Variants in ENKUR observed in about 807,000 individuals in gnomAD.
The protein encoded by ENKUR is enkurin.
Under a neutral mutation model 27.6 loss-of-function variants are expected in ENKUR, and 19 were observed. That is an observed-to-expected ratio of 0.69 (90% confidence interval 0.48 to 1.01). ENKUR has a LOEUF of 1.01. Ranked by LOEUF, ENKUR falls within the 50% of genes least tolerant of loss-of-function variation. The pLI, the probability that ENKUR is intolerant of heterozygous loss-of-function variation, is 0.00. For missense variants in ENKUR, 312 were observed against 310.5 expected (o/e 1.00, Z -0.04); for synonymous variants, 117 against 96.9 (o/e 1.21, Z -1.22).
rs376696984 is a variant in ENKUR at position 25,035,110 on chromosome 10, T to C, written c.37+26002A>G. On this transcript the variant is annotated intron_variant, in intron 2 of 5. Transcript: ENST00000615958. ...ACTTTGAAAACGGTTACACATATATTATTGGATTTTATTTTCCCAAGACCT... is the reference window on the plus strand; with the variant it reads ...ACTTTGAAAACGGTTACACATATATCATTGGATTTTATTTTCCCAAGACCT... Among the ~76,000 whole-genome samples, 16 of 152,304 alleles carry C rather than the reference T, an allele frequency of 1.1e-4. No individual in the cohort carries two copies. In the South Asian group the frequency reaches 3.1e-3, roughly 30 times the overall value.
At chr10:24,998,646 A>G (rs927712386) in intron 2 of ENKUR, among the ~76,000 whole-genome samples, 3 of 151,940 alleles carry the variant, frequency 2.0e-5, no homozygotes, top group Non-Finnish European at 4.4e-5. Flanking sequence ...TACTTGGGCT[A>G]TGAAGAAATT....
chr10:24,985,548 A>G (rs1849760715), intron 4 of ENKUR, among the ~76,000 whole-genome samples: 1 of 152,236 alleles, frequency 6.6e-6, no homozygotes, highest in Non-Finnish European at 1.5e-5. Context: ...TAAATGTAAC[A>G]CACATGCTAA....
At chr10:24,992,235 C>G (rs1849944250) in intron 3 of ENKUR, among the ~76,000 whole-genome samples, 1 of 152,074 alleles carries the variant, frequency 6.6e-6, no homozygotes, top group African/African-American at 2.4e-5. Context: ...TCTATGGTGA[C>G]AGAGACTCAC....
chr10:25,010,377 G>A (rs2132718299), intron 1 of ENKUR, among the ~76,000 whole-genome samples: 1 of 152,240 alleles, frequency 6.6e-6, no homozygotes, highest in South Asian at 2.1e-4. Context: ...GAGGTGACTT[G>A]AGTAGTGTTA....
chr10:25,058,388 G>A (rs1851284487), intron 2 of ENKUR, among the ~76,000 whole-genome samples: 1 of 152,034 alleles, frequency 6.6e-6, no homozygotes, highest in African/African-American at 2.4e-5. Context: ...TCAATTTTCT[G>A]TAGATATGGG....
chr10:25,058,927 T>C (rs1851293816), intron 2 of ENKUR, among the ~76,000 whole-genome samples: 1 of 100,236 alleles, frequency 1.0e-5, no homozygotes, highest in Non-Finnish European at 1.8e-5. Context: ...TGAGACTCCA[T>C]CTTAAAAAAA....
chr10:25,043,166 C>A (rs1396594983), intron 2 of ENKUR, among the ~76,000 whole-genome samples: 8 of 152,054 alleles, frequency 5.3e-5, no homozygotes, highest in Admixed American at 6.6e-5. Flanking sequence ...AATGTAATTG[C>A]CATTACCATC....
In ENKUR at chr10:24,984,864, C is replaced by T; in HGVS notation, c.636G>A (p.Gln212=). Residue 212 remains glutamine (Q), a synonymous_variant, in exon 5 of 6, where the codon CAG becomes CAA. Coordinates refer to ENST00000331161, the MANE Select transcript of ENKUR (RefSeq NM_145010.4). The part of the protein sequence containing the change: ...KNWEEVHKEF[Q]SLSVFIDSIP... ...TAGAATCTATAAAGACCGAGAGGGA[C>T]TGGAATTCTTTATGCACCTCTTCCC... 1.2e-6 allele frequency: 2 copies of T among 1,613,490 alleles called. No individual in the cohort carries two copies. Among genetic ancestry groups the T allele is most frequent in the Non-Finnish European group, 1.7e-6 (2 of 1,179,828 alleles).
At chr10:25,016,572 G>C (rs1248026946), upstream of ENKUR, 3 of 151,330 alleles carry the variant, frequency 2.0e-5, no homozygotes, top group African/African-American at 7.4e-5. Flanking sequence ...AGTGAGAAAG[G>C]AGAGTCACGT....
intron 2 of ENKUR, among the ~76,000 whole-genome samples, chr10:24,997,923 T>C (rs1850100905): frequency 6.6e-6 from 1 of 152,092 alleles, no homozygotes; most frequent in Non-Finnish European, 1.5e-5. Context: ...AATTCCATTT[T>C]AACATTTTCC....
chr10:25,000,557 A>G (rs1850164486), intron 1 of ENKUR, among the ~76,000 whole-genome samples: 1 of 152,148 alleles, frequency 6.6e-6, no homozygotes. Context: ...CTTCATCACT[A>G]TAAAATAACA....
intron 3 of ENKUR, among the ~76,000 whole-genome samples, chr10:24,994,791 G>A (rs966677729): frequency 2.0e-5 from 3 of 152,142 alleles, no homozygotes; most frequent in South Asian, 2.1e-4. Context: ...GGAGGCTGAG[G>A]TGGGTGGATC....
intron 2 of ENKUR, among the ~76,000 whole-genome samples, chr10:25,060,194 C>T (rs1013124324): frequency 6.6e-6 from 1 of 152,126 alleles, no homozygotes; most frequent in African/African-American, 2.4e-5. Context: ...AATGTGATAA[C>T]AAGAAGAAAA....
intron 3 of ENKUR, among the ~76,000 whole-genome samples, chr10:24,993,323 C>T (rs926659959): frequency 1.3e-5 from 2 of 152,134 alleles, no homozygotes; most frequent in South Asian, 2.1e-4. Context: ...TTAGGTGTCA[C>T]ATTTTGTGTC....
At chr10:25,023,669 GA>G in intron 2 of ENKUR, 1 of 1,614,106 alleles carries the variant, frequency 6.2e-7, no homozygotes, top group Non-Finnish European at 8.5e-7. Context: ...AAGAAAAATG[GA>G]ATAATTGTAT....
intron 2 of ENKUR, among the ~76,000 whole-genome samples, chr10:25,034,727 A>T (rs1850989317): frequency 6.6e-6 from 1 of 152,176 alleles, no homozygotes; most frequent in African/African-American, 2.4e-5. Flanking sequence ...TATTAAAGTA[A>T]TGTAATGTAA....
chr10:25,048,265 G>A (rs200929859), intron 2 of ENKUR, among the ~76,000 whole-genome samples: 20 of 152,168 alleles, frequency 1.3e-4, no homozygotes, highest in African/African-American at 4.8e-4. Flanking sequence ...TTGATAAGTG[G>A]GAAAACAAGA....
At chr10:25,027,477 C>T (rs539274570) in intron 2 of ENKUR, among the ~76,000 whole-genome samples, 21 of 142,602 alleles carry the variant, frequency 1.5e-4, no homozygotes, top group Admixed American at 2.2e-4. Context: ...ATGCAGGTTG[C>T]GGTTGAGCAG....
chr10:25,000,713 G>T (rs546275020), intron 1 of ENKUR, among the ~76,000 whole-genome samples: 1 of 152,126 alleles, frequency 6.6e-6, no homozygotes, highest in Non-Finnish European at 1.5e-5. Context: ...AGACTGCATA[G>T]AAATTTTATC....
Sources: gnomAD v4.1 joint callset for allele counts (sites outside exome capture counted in the v4.1 genomes callset) on GRCh38, gnomAD v4.1.1 for gene constraint, MANE v1.5 for transcripts, NCBI Gene and HGNC (gene_info 2026-07-23, HGNC 2026-07-21) for gene names.